The following TRAPPC11 variants were observed in gnomAD, a reference collection of about 807,000 sequenced individuals.
TRAPPC11 encodes trafficking protein particle complex subunit 11.
In TRAPPC11, 104 loss-of-function variants were observed where a neutral mutation model predicts 151.2. The ratio of observed to expected loss-of-function variants is 0.69; its 90% CI spans 0.59 to 0.81. The LOEUF (loss-of-function observed/expected upper bound fraction) is 0.81, where lower values mean the gene tolerates loss of function less well. TRAPPC11 is among the 30% of genes least tolerant of loss of function. The pLI, the probability that TRAPPC11 is intolerant of heterozygous loss-of-function variation, is 0.00. For synonymous variants in TRAPPC11, 456 were observed against 472.3 expected (o/e 0.97, Z 0.45); for missense variants, 1,230 against 1,349.6 (o/e 0.91, Z 1.39).
At chr4:183,688,492 T>C (rs1398198712) in intron 18 of TRAPPC11, among the ~76,000 whole-genome samples, 2 of 152,228 alleles carry the variant, frequency 1.3e-5, no homozygotes, top group South Asian at 2.1e-4. Context: ...GGGGATAGGC[T>C]AGTAAACAGA....
At chr4:183,681,436 G>C (rs1248029158) in intron 10 of TRAPPC11, among the ~76,000 whole-genome samples, 1 of 151,756 alleles carries the variant, frequency 6.6e-6, no homozygotes, top group Non-Finnish European at 1.5e-5. Context: ...CTAAAACTAG[G>C]TTTTATAAGA....
At chr4:183,689,470 A>G (rs577861909) in intron 18 of TRAPPC11, among the ~76,000 whole-genome samples, 212 of 152,196 alleles carry the variant, frequency 1.4e-3, no homozygotes, top group Middle Eastern at 3.4e-3. Flanking sequence ...TAGCCTTGGT[A>G]GTACTAATCA....
intron 18 of TRAPPC11, among the ~76,000 whole-genome samples, chr4:183,690,916 C>A (rs1425745957): frequency 6.6e-6 from 1 of 151,912 alleles, no homozygotes; most frequent in South Asian, 2.1e-4. Flanking sequence ...TACAGTGAGC[C>A]GAGATCATGC....
At chr4:183,697,648 C>T (rs1198160041) in intron 24 of TRAPPC11, 31 bp from the exon 25 acceptor site, 1 of 1,611,378 alleles carries the variant, frequency 6.2e-7, no homozygotes, top group African/African-American at 1.3e-5. Flanking sequence ...AAGGTAATTC[C>T]TGACAGACCT....
rs1300017306 is a variant in TRAPPC11, at chr4:183,666,340, G to A, written c.288G>A (p.Leu96=). 5 of 1,614,054 alleles carry A rather than the reference G, an allele frequency of 3.1e-6. No individual in the cohort carries two copies. Among genetic ancestry groups the A allele is most frequent in the Non-Finnish European group, 4.2e-6 (5 of 1,180,010 alleles). ...AGCATCTGAATCTGGTGCCAGCCCT[G>A]GTGGTTGTGTTCTATGAACTGGACT... ...MNKHLNLVPA[L]VVVFYELDWD... is the part of the protein sequence containing the mutation. The change falls in exon 3 of 30, where the codon CTG becomes CTA. Residue 96 remains leucine, a synonymous_variant. Transcript: ENST00000334690.
intron 7 of TRAPPC11, 44 bp from the exon 8 acceptor site, chr4:183,677,414 G>A (rs780292773): frequency 1.3e-5 from 15 of 1,141,178 alleles, no homozygotes; most frequent in Admixed American, 3.8e-5. Flanking sequence ...CTTAGAAATC[G>A]TTTATTAAAC....
At position 183,697,834 on chromosome 4, in the gene TRAPPC11, T is replaced by G; in HGVS notation, c.2850T>G (p.Asn950Lys). 1 of 1,613,182 alleles carries G rather than the reference T, an allele frequency of 6.2e-7. No individual in the cohort carries two copies. Among genetic ancestry groups the G allele is most frequent in the Non-Finnish European group, 8.5e-7 (1 of 1,179,860 alleles). The stretch of plus-strand genomic sequence containing the variant: ...ACCAGCTCGAGTCTCAAGTGGACAA[T>G]GGTGAGTCTGGTTCATTCCCACTTA... ...TVDQLESQVD[N>K]VILQTGESAS... Residue 950 changes from asparagine (N) to lysine (K), a missense_variant and splice_region_variant, in exon 25 of 30, where the codon AAT (asparagine) becomes AAG (lysine). Transcript: ENST00000334690.
intron 2 of TRAPPC11, among the ~76,000 whole-genome samples, chr4:183,665,380 C>T (rs1282029433): frequency 4.6e-5 from 7 of 152,128 alleles, no homozygotes; most frequent in Admixed American, 3.9e-4. Flanking sequence ...AGGCGTGAGC[C>T]ACCGTGCCAG....
Position 183,670,966 on chromosome 4 carries a change from A to G in TRAPPC11, c.560+2849A>G, listed in dbSNP as rs191297834. ...AGGCTGGTCTTGAACTCCTGACCTCATGATCCACCCGTCTCAGCCTCCCAA... is the reference window on the plus strand; with the variant it reads ...AGGCTGGTCTTGAACTCCTGACCTCGTGATCCACCCGTCTCAGCCTCCCAA... On this transcript the variant is annotated intron_variant, in intron 5 of 29. Transcript: ENST00000334690. 1.8e-4 allele frequency among the ~76,000 whole-genome samples: 27 copies of G among 152,118 alleles called. No individual in the cohort carries two copies. The South Asian group carries it at 4.2e-3, about 23-fold the overall frequency.
intron 5 of TRAPPC11, 116 bp downstream of exon 5, chr4:183,668,233 T>TA (rs910620184): frequency 3.4e-6 from 2 of 590,284 alleles, no homozygotes; most frequent in African/African-American, 1.9e-5. Flanking sequence ...ATTCATATGA[T>TA]ACAGAGGCTA....
chr4:183,692,001 G>C (rs899367682), intron 19 of TRAPPC11, among the ~76,000 whole-genome samples: 13 of 152,058 alleles, frequency 8.5e-5, no homozygotes, highest in Non-Finnish European at 1.6e-4. Context: ...TATCTTTATT[G>C]AGCATAAACT....
chr4:183,706,997 G>A lies in TRAPPC11; in HGVS notation c.3189+57G>A, dbSNP rs181087857. 29 of 1,587,110 alleles carry A rather than the reference G, an allele frequency of 1.8e-5. 1 individual carries two copies. The East Asian group carries it at 6.1e-4, about 33-fold the overall frequency. On this transcript the variant is annotated intron_variant, in intron 28 of 29. Transcript: ENST00000334690. ...ACACAAAAGTGTGCCAGGAAACGGA[G>A]AGCTGTACCTTTAGTTTTTATGAAT... is the stretch of plus-strand genomic sequence containing the variant.
At chr4:183,659,591 A>C (rs1734357412) in intron 1 of TRAPPC11, 144 bp downstream of exon 1, 1 of 152,290 alleles carries the variant, frequency 6.6e-6, no homozygotes, top group Non-Finnish European at 1.5e-5. Flanking sequence ...GACCCGAGGA[A>C]AGACGCACCC....
chr4:183,672,908 C>T (rs1358178273), intron 5 of TRAPPC11, among the ~76,000 whole-genome samples: 5 of 151,262 alleles, frequency 3.3e-5, no homozygotes, highest in Non-Finnish European at 7.4e-5. Flanking sequence ...ATATTTCTGG[C>T]TACCATAACA....
intron 8 of TRAPPC11, among the ~76,000 whole-genome samples, chr4:183,678,668 A>C (rs1044035276): frequency 5.9e-5 from 9 of 152,226 alleles, no homozygotes; most frequent in Non-Finnish European, 1.0e-4. Context: ...TGTGTGTAGA[A>C]TATATCAGGA....
intron 26 of TRAPPC11, among the ~76,000 whole-genome samples, chr4:183,702,609 A>G (rs1561061416): frequency 2.0e-5 from 3 of 152,194 alleles, no homozygotes; most frequent in Non-Finnish European, 2.9e-5. Flanking sequence ...AGGACTACGT[A>G]CATAATTTGG....
At chr4:183,673,666 C>G (rs1448427859) in intron 5 of TRAPPC11, among the ~76,000 whole-genome samples, 16 of 151,726 alleles carry the variant, frequency 1.1e-4, no homozygotes. Flanking sequence ...AGAGCGGGAC[C>G]CTGTCTCAAA....
chr4:183,703,885 T>A (rs1035757236), intron 26 of TRAPPC11, among the ~76,000 whole-genome samples: 1 of 152,220 alleles, frequency 6.6e-6, no homozygotes, highest in Non-Finnish European at 1.5e-5. Context: ...ACTATGTTTG[T>A]TGATAGTAAA....
chr4:183,703,794 A>G (rs1463562249), intron 26 of TRAPPC11, among the ~76,000 whole-genome samples: 2 of 152,200 alleles, frequency 1.3e-5, no homozygotes, highest in Non-Finnish European at 2.9e-5. Context: ...CCACCCTTAT[A>G]GTTCCCACTT....
Sources: gnomAD v4.1 joint callset for allele counts (sites outside exome capture counted in the v4.1 genomes callset) on GRCh38, gnomAD v4.1.1 for gene constraint, MANE v1.5 for transcripts, NCBI Gene and HGNC (gene_info 2026-07-23, HGNC 2026-07-21) for gene names.